Variants in FBLN7 observed in about 807,000 individuals in gnomAD.
The protein encoded by FBLN7 is fibulin-7.
A neutral mutation model predicts 44.0 loss-of-function variants in FBLN7; 31 were observed. The ratio of observed to expected loss-of-function variants is 0.70; its 90% confidence interval spans 0.53 to 0.95. The LOEUF (loss-of-function observed/expected upper bound fraction) is 0.95, where lower values mean the gene tolerates loss of function less well. FBLN7 is among the 40% of genes least tolerant of loss of function. The probability of loss-of-function intolerance (pLI) is 0.00; values close to 1 mark genes in which losing one functional copy is unlikely to be tolerated. For synonymous variants in FBLN7, 262 were observed against 253.4 expected (o/e 1.03, Z -0.32); for missense variants, 573 against 618.5 (o/e 0.93, Z 0.78).
At chr2:112,191,707 C>A (rs546563583), downstream of FBLN7, among the ~76,000 whole-genome samples, 5 of 152,268 alleles carry the variant, frequency 3.3e-5, no homozygotes, top group African/African-American at 1.2e-4. Context: ...AGTCAACTTA[C>A]TGTTGTAAAG....
chr2:112,195,100 A>C, the FBLN7 span, among the ~76,000 whole-genome samples: 1 of 152,220 alleles, frequency 6.6e-6, no homozygotes, highest in Non-Finnish European at 1.5e-5. Context: ...CCTTTGTCAC[A>C]AAGAGGATTT....
Position 112,187,160 on chromosome 2 carries a change from T to C in FBLN7, c.974T>C (p.Met325Thr), listed in dbSNP as rs2104613816. 2 of 1,614,078 alleles carry C rather than the reference T, an allele frequency of 1.2e-6. No homozygotes were observed. The highest frequency in any genetic ancestry group is 8.5e-7 in the Non-Finnish European group (1 of 1,180,022). The stretch of plus-strand genomic sequence containing the variant: ...CAGTGTGAGCGGAACCCCTGCCCCA[T>C]GGACAGCAGGCCCTGCCGCCATCTG... ...PFQCERNPCPMDSRPCRHLPK... is the reference protein window; with the variant it reads ...PFQCERNPCPTDSRPCRHLPK... The change falls in exon 8 of 8, where the codon ATG (methionine) becomes ACG (threonine). Residue 325 changes from methionine (M) to threonine (T), a missense_variant. Physicochemically the swap from Met to Thr is moderately conservative, Grantham distance 81 (BLOSUM62 -1). Transcript: ENST00000331203. The surrounding 1 kb of genome is among the most constrained non-coding windows in gnomAD (Gnocchi z 5.1).
the FBLN7 span, among the ~76,000 whole-genome samples, chr2:112,223,118 G>C: frequency 2.1e-4 from 32 of 152,020 alleles, no homozygotes; most frequent in Non-Finnish European, 1.2e-4. Flanking sequence ...GTGGGGTGGG[G>C]GAGTGGGGAG....
chr2:112,229,468 T>C, the FBLN7 span, among the ~76,000 whole-genome samples: 1 of 152,210 alleles, frequency 6.6e-6, no homozygotes, highest in Non-Finnish European at 1.5e-5. Context: ...CTTTAGCCAA[T>C]GGGTTATAAG....
At chr2:112,154,750 G>A (rs1681330726) in intron 1 of FBLN7, among the ~76,000 whole-genome samples, 1 of 152,178 alleles carries the variant, frequency 6.6e-6, no homozygotes, top group Non-Finnish European at 1.5e-5. Flanking sequence ...CTGCTTCCAT[G>A]CATGGCTCAG....
chr2:112,176,094 C>T lies in FBLN7; in HGVS notation c.532+255C>T, dbSNP rs920770136. ...CACAAGCGCAAGAACTGACTCCCAA[C>T]GTAAAAATCCCCTAGATTGGGAATG... On this transcript the variant is annotated intron_variant, in intron 4 of 7. Coordinates refer to ENST00000331203, the MANE Select transcript of FBLN7 (RefSeq NM_153214.3). The T allele has an allele frequency of 8.3e-5, 25 of 300,124 alleles. 1 individual carries two copies. In the Admixed American group the frequency reaches 9.9e-4, roughly 12 times the overall value. 18.6% of individuals were successfully genotyped at this position (300,124 alleles called of 1,614,324 possible). A position where few individuals can be genotyped will look rare whatever the true frequency, so the allele number is the denominator to read the frequency against.
intron 3 of FBLN7, among the ~76,000 whole-genome samples, chr2:112,165,500 C>T (rs1469121761): frequency 6.6e-6 from 1 of 152,204 alleles, no homozygotes; most frequent in East Asian, 1.9e-4. Context: ...CCTGGACACT[C>T]TGACCCCAGA....
the FBLN7 span, chr2:112,234,178 G>A: frequency 2.5e-6 from 4 of 1,610,320 alleles, no homozygotes; most frequent in African/African-American, 1.3e-5. Flanking sequence ...GCGTTCCACT[G>A]TATGTTGGTT....
At chr2:112,226,737 A>T in the FBLN7 span, among the ~76,000 whole-genome samples, 1 of 152,134 alleles carries the variant, frequency 6.6e-6, no homozygotes, top group Non-Finnish European at 1.5e-5. Context: ...CCTTGATACG[A>T]AAGCCAGAAA....
At chr2:112,178,257 C>CAAAA (rs112844069) in intron 4 of FBLN7, among the ~76,000 whole-genome samples, 19 of 123,832 alleles carry the variant, frequency 1.5e-4, no homozygotes, top group Non-Finnish European at 2.6e-4. Context: ...ACAAGAAATA[C>CAAAA]AAAAAAAAAA....
In FBLN7 at chr2:112,186,404, C is replaced by G. The variant is rs551978042; in HGVS notation, c.948-730C>G. Reference sequence around the variant, plus strand: ...CTTATAATTCGAGCACTCTGGGAGGCCGAGGAGGGCGGATCCCTTGAGATC... The same window carrying G: ...CTTATAATTCGAGCACTCTGGGAGGGCGAGGAGGGCGGATCCCTTGAGATC... On this transcript the variant is annotated intron_variant, in intron 7 of 7. Transcript: ENST00000331203. Among the ~76,000 whole-genome samples the G allele has an allele frequency of 2.2e-3, 337 of 152,236 alleles. 14 individuals are homozygous for G. In the South Asian group the frequency reaches 0.069, roughly 31 times the overall value.
downstream of FBLN7, among the ~76,000 whole-genome samples, chr2:112,190,997 G>A (rs558195133): frequency 1.3e-5 from 2 of 152,156 alleles, no homozygotes; most frequent in South Asian, 4.2e-4. Context: ...ACTGGCATAG[G>A]GACAGGGTCT....
At chr2:112,208,949 T>A in the FBLN7 span, among the ~76,000 whole-genome samples, 1 of 152,190 alleles carries the variant, frequency 6.6e-6, no homozygotes, top group African/African-American at 2.4e-5. Context: ...GTGATGATGA[T>A]GTGGCATTTG....
At chr2:112,160,703 C>T (rs1211087596) in intron 2 of FBLN7, among the ~76,000 whole-genome samples, 9 of 108,684 alleles carry the variant, frequency 8.3e-5, no homozygotes, top group African/African-American at 3.4e-4. Flanking sequence ...CACACACGCA[C>T]GCACACACAC....
chr2:112,237,516 C>T, the FBLN7 span, among the ~76,000 whole-genome samples: 1 of 151,910 alleles, frequency 6.6e-6, no homozygotes, highest in Non-Finnish European at 1.5e-5. Flanking sequence ...CTCCTGGGCT[C>T]AAGCAATACA....
chr2:112,160,724 ACACGCACGCACACG>A (rs1162412767), intron 2 of FBLN7, among the ~76,000 whole-genome samples: 108 of 136,904 alleles, frequency 7.9e-4, no homozygotes, highest in Non-Finnish European at 1.4e-3. Flanking sequence ...AAGCACGCGC[ACACGCACGCACACG>A]CACACACGCG....
chr2:112,190,077 T>C (rs1683435523), downstream of FBLN7: 1 of 152,176 alleles, frequency 6.6e-6, no homozygotes, highest in South Asian at 2.1e-4. Flanking sequence ...AGACAAAATA[T>C]AGGGTCATTT....
In FBLN7 at chr2:112,142,557, A is replaced by G. The variant is rs778372102; in HGVS notation, c.75+3827A>G. Among the ~76,000 whole-genome samples, 114 of 152,100 alleles carry G rather than the reference A, an allele frequency of 7.5e-4. 1 individual carries two copies. Among genetic ancestry groups the G allele is most frequent in the Non-Finnish European group, 6.3e-4 (43 of 67,984 alleles). ...AGGATCATATCTTGCCATGGAGGAG[A>G]TGAGATGGGTCAGGTGGGAGGCACT... On this transcript the variant is annotated intron_variant, in intron 1 of 7. Coordinates refer to ENST00000331203, the MANE Select transcript of FBLN7 (RefSeq NM_153214.3).
the FBLN7 span, chr2:112,238,650 G>A: frequency 7.2e-6 from 5 of 696,248 alleles, no homozygotes; most frequent in Middle Eastern, 8.3e-4. Flanking sequence ...TAGGTACATG[G>A]GATTCATATA....
Sources: allele counts gnomAD v4.1 joint callset (sites outside exome capture counted in the v4.1 genomes callset), GRCh38; gene constraint gnomAD v4.1.1; non-coding constraint Gnocchi (gnomAD v3.1); transcripts MANE v1.5; gene names NCBI Gene and HGNC (gene_info 2026-07-23, HGNC 2026-07-21).